The following SLC35F1 variants were observed in gnomAD, a reference collection of about 807,000 sequenced individuals.
SLC35F1 encodes solute carrier family 35 member F1, also known as chromosome 6 open reading frame 169.
Under a neutral mutation model 48.7 loss-of-function variants are expected in SLC35F1, and 14 were observed. That is an observed-to-expected ratio of 0.29 (90% CI 0.19 to 0.45). SLC35F1 has a LOEUF of 0.45. SLC35F1 is among the 20% of genes least tolerant of loss of function. SLC35F1 has a pLI of 1.00. For synonymous variants in SLC35F1, 190 were observed against 202.2 expected, an observed-to-expected ratio of 0.94 and a Z score of 0.51; for missense variants, 404 against 500.0, an observed-to-expected ratio of 0.81 and a Z score of 1.83.
chr6:117,917,816 T>C (rs1775845835), intron 1 of SLC35F1, among the ~76,000 whole-genome samples: 1 of 117,278 alleles, frequency 8.5e-6, no homozygotes, highest in Non-Finnish European at 2.1e-5. Context: ...TCATGAGTCC[T>C]GGATGCATGT....
intron 7 of SLC35F1, among the ~76,000 whole-genome samples, chr6:118,286,394 T>A (rs909364653): frequency 6.6e-6 from 1 of 152,102 alleles, no homozygotes; most frequent in East Asian, 1.9e-4. Flanking sequence ...AAAAAGAGCA[T>A]GTACTTGATA....
intron 1 of SLC35F1, among the ~76,000 whole-genome samples, chr6:117,959,054 G>A (rs945562365): frequency 6.6e-6 from 1 of 152,134 alleles, no homozygotes; most frequent in African/African-American, 2.4e-5. Context: ...CAACTTCCAC[G>A]TGCTTGTTGC....
chr6:118,061,704 G>A (rs1031276727), intron 1 of SLC35F1, among the ~76,000 whole-genome samples: 2 of 151,904 alleles, frequency 1.3e-5, no homozygotes, highest in Non-Finnish European at 2.9e-5. Context: ...GTGGCACCAG[G>A]GACTGGTTTT....
At position 117,919,603 on chromosome 6, in the gene SLC35F1, G is replaced by C. The variant is rs540888274; in HGVS notation, c.173+11704G>C. Among the ~76,000 whole-genome samples the C allele has an allele frequency of 3.5e-4, 53 of 152,252 alleles. No individual in the cohort carries two copies. In the Middle Eastern group the frequency reaches 0.014, roughly 39 times the overall value. ...TTTTTGTCATGAGCCTTGTCAGTCA[G>C]AGTCTGAAGTGAAACCCACCGATCT... is the stretch of plus-strand genomic sequence containing the variant. On this transcript the variant is annotated intron_variant, in intron 1 of 7. Coordinates refer to ENST00000360388, the MANE Select transcript of SLC35F1 (RefSeq NM_001029858.4).
chr6:117,980,899 G>A (rs955158405), intron 1 of SLC35F1, among the ~76,000 whole-genome samples: 4 of 152,094 alleles, frequency 2.6e-5, no homozygotes, highest in African/African-American at 7.2e-5. Context: ...GTTATCCTGT[G>A]GCAACAGGGA....
intron 7 of SLC35F1, among the ~76,000 whole-genome samples, chr6:118,305,087 T>G (rs1341700187): frequency 6.9e-6 from 1 of 144,918 alleles, no homozygotes; most frequent in Non-Finnish European, 1.5e-5. Flanking sequence ...TGTGTGTGTG[T>G]GTGTGTTCAG....
At chr6:118,304,763 G>A (rs1402341808) in intron 7 of SLC35F1, among the ~76,000 whole-genome samples, 2 of 151,910 alleles carry the variant, frequency 1.3e-5, no homozygotes, top group African/African-American at 4.8e-5. Flanking sequence ...CATATAGCAG[G>A]TGCTATTATT....
chr6:118,005,022 G>A (rs747111146), intron 1 of SLC35F1, among the ~76,000 whole-genome samples: 1 of 152,096 alleles, frequency 6.6e-6, no homozygotes, highest in Non-Finnish European at 1.5e-5. Flanking sequence ...TCACAGGCAT[G>A]CTAGGATATG....
At chr6:118,243,257 T>C (rs953369132) in intron 3 of SLC35F1, among the ~76,000 whole-genome samples, 5 of 152,206 alleles carry the variant, frequency 3.3e-5, no homozygotes, top group African/African-American at 1.2e-4. Context: ...CTTTTTCATA[T>C]GTCTAGAGTC....
At chr6:117,923,066 G>C (rs1290481657) in intron 1 of SLC35F1, among the ~76,000 whole-genome samples, 2 of 152,180 alleles carry the variant, frequency 1.3e-5, no homozygotes, top group Non-Finnish European at 2.9e-5. Flanking sequence ...AAATGTTTGA[G>C]AATATATCTG....
At chr6:118,250,773 A>G (rs1775564002) in intron 3 of SLC35F1, among the ~76,000 whole-genome samples, 1 of 152,062 alleles carries the variant, frequency 6.6e-6, no homozygotes, top group Admixed American at 6.5e-5. Flanking sequence ...CAGGAGTTTG[A>G]GACCAGCCTG....
chr6:118,259,980 A>G (rs1205520659), intron 3 of SLC35F1, among the ~76,000 whole-genome samples: 1 of 152,166 alleles, frequency 6.6e-6, no homozygotes, highest in African/African-American at 2.4e-5. Flanking sequence ...CTAAATGTTC[A>G]TCAACTGAGC....
chr6:117,968,225 A>T (rs1241545550), intron 1 of SLC35F1, among the ~76,000 whole-genome samples: 3 of 152,148 alleles, frequency 2.0e-5, no homozygotes, highest in Non-Finnish European at 2.9e-5. Flanking sequence ...CCTCATTTTA[A>T]TTTGTAAAAA....
chr6:118,091,250 C>A (rs1275591634), intron 1 of SLC35F1, among the ~76,000 whole-genome samples: 1 of 152,062 alleles, frequency 6.6e-6, no homozygotes, highest in Non-Finnish European at 1.5e-5. Context: ...GGATGAGTTA[C>A]CAAATGATAT....
intron 1 of SLC35F1, among the ~76,000 whole-genome samples, chr6:118,095,278 G>T (rs112842568): frequency 1.3e-5 from 2 of 152,208 alleles, no homozygotes; most frequent in Non-Finnish European, 2.9e-5. Flanking sequence ...TGTGCTCTTT[G>T]TTCCAAACAG....
intron 1 of SLC35F1, among the ~76,000 whole-genome samples, chr6:118,084,785 ACC>A (rs1337823777): frequency 6.6e-6 from 1 of 151,660 alleles, no homozygotes; most frequent in Non-Finnish European, 1.5e-5. Context: ...GGAAATGGGG[ACC>A]CTTGCTCCTT....
At chr6:118,206,737 A>G (rs1305802820) in intron 2 of SLC35F1, among the ~76,000 whole-genome samples, 5 of 152,310 alleles carry the variant, frequency 3.3e-5, no homozygotes, top group African/African-American at 1.2e-4. Flanking sequence ...CACAGAGGCC[A>G]TCTTGTTACC....
chr6:117,940,885 G>C (rs1776222976), intron 1 of SLC35F1, among the ~76,000 whole-genome samples: 1 of 152,144 alleles, frequency 6.6e-6, no homozygotes, highest in Non-Finnish European at 1.5e-5. Flanking sequence ...CTGGACTCAA[G>C]TGATCCACCC....
intron 1 of SLC35F1, among the ~76,000 whole-genome samples, chr6:118,028,284 C>T (rs1484925599): frequency 6.6e-6 from 1 of 152,006 alleles, no homozygotes; most frequent in African/African-American, 2.4e-5. Flanking sequence ...CTATAATGAA[C>T]ATCAGTGAAT....
Sources: allele counts gnomAD v4.1 joint callset (sites outside exome capture counted in the v4.1 genomes callset), GRCh38; gene constraint gnomAD v4.1.1; transcripts MANE v1.5; gene names NCBI Gene and HGNC (gene_info 2026-07-23, HGNC 2026-07-21).